Variants in UNC5A observed in about 807,000 individuals in gnomAD.
UNC5A encodes the protein unc-5 netrin receptor A.
UNC5A carries 20 observed loss-of-function variants against 87.4 expected under a neutral mutation model. The observed-to-expected ratio is 0.23, with a 90% CI of 0.16 to 0.33. The LOEUF is 0.33. UNC5A is among the 10% of genes least tolerant of loss of function. The pLI is 1.00. For missense variants in UNC5A, 844 were observed against 1,133.4 expected (o/e 0.74, Z 3.67); for synonymous variants, 438 against 482.3 (o/e 0.91, Z 1.20).
Position 176,877,608 on chromosome 5 carries a change from C to A in UNC5A, c.1540C>A (p.Arg514=), listed in dbSNP as rs749730825. Residue 514 remains arginine (R), a synonymous_variant, in exon 10 of 15, where the codon CGG becomes AGG. Coordinates refer to ENST00000329542, the MANE Select transcript of UNC5A (RefSeq NM_133369.3). ...SCGPPGVLLT[R]PVILAMDHCG... The stretch of plus-strand genomic sequence containing the variant: ...TGGACCCCCTGGCGTCCTGCTCACC[C>A]GGCCAGTCATCCTGGCTATGGACCA... 1.9e-6 allele frequency: 3 copies of A among 1,612,540 alleles called. No individual in the cohort carries two copies. In the South Asian group the frequency reaches 3.3e-5, roughly 18 times the overall value.
chr5:176,859,881 G>A (rs73804251), intron 1 of UNC5A, among the ~76,000 whole-genome samples: 62 of 152,368 alleles, frequency 4.1e-4, no homozygotes, highest in South Asian at 3.3e-3. Flanking sequence ...TGGGTCCACC[G>A]GATAAATGCC....
Position 176,875,892 on chromosome 5 carries a change from C to T in UNC5A, c.1379-1300C>T, listed in dbSNP as rs986040183. On this transcript the variant is annotated intron_variant, in intron 8 of 14. Coordinates refer to ENST00000329542, the MANE Select transcript of UNC5A (RefSeq NM_133369.3). The surrounding 1 kb of genome is among the most constrained non-coding windows in gnomAD (Gnocchi z 5.2). ...CTGACAGCTCTTGCCGTCTGTGCCT[C>T]ACGTCCACACGGATGATAACGAACC... 6.6e-6 allele frequency among the ~76,000 whole-genome samples: 1 copy of T among 152,234 alleles called. No individual in the cohort carries two copies. Among genetic ancestry groups the T allele is most frequent in the Non-Finnish European group, 1.5e-5 (1 of 68,052 alleles).
intron 1 of UNC5A, among the ~76,000 whole-genome samples, chr5:176,853,189 C>T (rs1322505743): frequency 2.0e-5 from 3 of 152,228 alleles, no homozygotes; most frequent in East Asian, 1.9e-4. Context: ...AGCCCTGCCC[C>T]ACTCCTGGCC....
chr5:176,878,747 C>T (rs1047229792), intron 13 of UNC5A, 108 bp downstream of exon 13: 26 of 1,421,922 alleles, frequency 1.8e-5, no homozygotes, highest in African/African-American at 4.3e-5. Context: ...CTCTCCCTCC[C>T]GCCTGTCCCC....
rs370493839 is a variant in UNC5A at position 176,860,820 on chromosome 5, C to T, written c.71-1804C>T. Among the ~76,000 whole-genome samples, 7 of 152,278 alleles carry T rather than the reference C, an allele frequency of 4.6e-5. No individual in the cohort carries two copies. The East Asian group carries it at 7.7e-4, about 17-fold the overall frequency. On this transcript the variant is annotated intron_variant, in intron 1 of 14. Coordinates refer to ENST00000329542, the MANE Select transcript of UNC5A (RefSeq NM_133369.3). ...GGGCTTGGTGTCCATAACAGAGCTG[C>T]GGAACATGCGGGGGGCAGTTGCCAG...
At chr5:176,863,697 AAAC>A (rs1280165682) in intron 2 of UNC5A, among the ~76,000 whole-genome samples, 1 of 147,044 alleles carries the variant, frequency 6.8e-6, no homozygotes, top group African/African-American at 2.5e-5. Context: ...AGGCAGGAGC[AAAC>A]AACAGCTTCT....
At chr5:176,813,500 C>A (rs924849398) in intron 1 of UNC5A, among the ~76,000 whole-genome samples, 1 of 152,196 alleles carries the variant, frequency 6.6e-6, no homozygotes. Context: ...GCTCGCCCTG[C>A]CTTGCAGGTG....
Position 176,879,938 on chromosome 5 carries a change from G to C in UNC5A, c.*52G>C, listed in dbSNP as rs1210079130. On this transcript the variant is annotated 3_prime_UTR_variant, in exon 15 of 15. Coordinates refer to ENST00000329542, the MANE Select transcript of UNC5A (RefSeq NM_133369.3). ...CTCACCAGCTTTGGCACCCACCAAG[G>C]ACAGGCAGAAGCCGGACAGGGGCCC... is the stretch of plus-strand genomic sequence containing the variant. 1.1e-5 allele frequency: 18 copies of C among 1,570,736 alleles called. No homozygotes were observed. The highest frequency in any genetic ancestry group is 1.6e-5 in the Non-Finnish European group (18 of 1,159,402).
At chr5:176,859,574 G>A (rs201527973) in intron 1 of UNC5A, among the ~76,000 whole-genome samples, 331 of 27,574 alleles carry the variant, frequency 0.012, 4 homozygotes, top group Non-Finnish European at 0.025. Context: ...TAGAGGGCAT[G>A]GCTGCTAGAA....
rs77468000 is a variant in UNC5A at position 176,820,851 on chromosome 5, C to G, written c.70+10031C>G. Among the ~76,000 whole-genome samples the G allele has an allele frequency of 3.3e-4, 50 of 152,318 alleles. No homozygotes were observed. In the East Asian group the frequency reaches 9.4e-3, roughly 29 times the overall value. ...ATCCCAGCAGCAGGGCCCAGGTGAG[C>G]TAGGTAAGTATTTCTCTTGACCTGG... On this transcript the variant is annotated intron_variant, in intron 1 of 14. Coordinates refer to ENST00000329542, the MANE Select transcript of UNC5A (RefSeq NM_133369.3).
chr5:176,853,717 A>G (rs996466122), intron 1 of UNC5A, among the ~76,000 whole-genome samples: 1 of 152,196 alleles, frequency 6.6e-6, no homozygotes, highest in Non-Finnish European at 1.5e-5. Flanking sequence ...CCTAGACAGG[A>G]GACACTGCCC....
chr5:176,856,659 C>A (rs1488665185), intron 1 of UNC5A, among the ~76,000 whole-genome samples: 2 of 151,990 alleles, frequency 1.3e-5, no homozygotes, highest in African/African-American at 4.8e-5. Context: ...CAGGAGGAGG[C>A]GACAACTTTG....
intron 1 of UNC5A, among the ~76,000 whole-genome samples, chr5:176,814,275 GC>G: frequency 6.6e-6 from 1 of 152,140 alleles, no homozygotes; most frequent in East Asian, 1.9e-4. Flanking sequence ...GCCCCCTTGG[GC>G]CCTTAGGAAA....
intron 1 of UNC5A, among the ~76,000 whole-genome samples, chr5:176,835,739 G>T (rs1043082575): frequency 6.7e-6 from 1 of 148,914 alleles, no homozygotes; most frequent in African/African-American, 2.6e-5. Context: ...ATGTGTGTGT[G>T]TGTGTGTGTG....
In UNC5A at chr5:176,880,045, C is replaced by T; in HGVS notation, c.*159C>T. 1 of 994,208 alleles carries T rather than the reference C, an allele frequency of 1.0e-6. No homozygotes were observed. The highest frequency in any genetic ancestry group is 1.7e-5 in the South Asian group (1 of 57,548). 61.6% of individuals were successfully genotyped at this position (994,208 alleles called of 1,614,324 possible). A position where few individuals can be genotyped will look rare whatever the true frequency, so the allele number is the denominator to read the frequency against. On this transcript the variant is annotated 3_prime_UTR_variant, in exon 15 of 15. Coordinates refer to ENST00000329542, the MANE Select transcript of UNC5A (RefSeq NM_133369.3). Reference sequence around the variant, plus strand: ...TTAATGCTGGTCCTTCAGACCCTGCCCGAACTCCCACCTCTCCATGGCCTG... The same window carrying T: ...TTAATGCTGGTCCTTCAGACCCTGCTCGAACTCCCACCTCTCCATGGCCTG...
chr5:176,854,728 C>T (rs1163280825), intron 1 of UNC5A, among the ~76,000 whole-genome samples: 2 of 152,262 alleles, frequency 1.3e-5, no homozygotes, highest in Non-Finnish European at 1.5e-5. Flanking sequence ...TGATGTTCCA[C>T]ATTCATTCCA....
At chr5:176,820,252 C>T (rs1178689064) in intron 1 of UNC5A, among the ~76,000 whole-genome samples, 3 of 152,142 alleles carry the variant, frequency 2.0e-5, no homozygotes, top group Non-Finnish European at 4.4e-5. Flanking sequence ...AAAAAATTAG[C>T]CAGGCGTGGT....
intron 1 of UNC5A, among the ~76,000 whole-genome samples, chr5:176,850,533 G>T (rs530952381): frequency 1.1e-4 from 17 of 152,228 alleles, no homozygotes; most frequent in African/African-American, 4.1e-4. Context: ...AGGAGAGTCG[G>T]GATGGCGCAG....
In UNC5A at chr5:176,878,144, A is replaced by AG; in HGVS notation, c.1869+17_1869+18insG. ...GCACTCAAGGTATCTCCCGCCCCTCACCCCCCGCCGCTGGGAGGCCGAGCT... is the reference window on the plus strand; with the variant it reads ...GCACTCAAGGTATCTCCCGCCCCTCAGCCCCCCGCCGCTGGGAGGCCGAGCT... On this transcript the variant is annotated intron_variant, in intron 11 of 14. Transcript: ENST00000329542. The AG allele has an allele frequency of 6.4e-7, 1 of 1,572,538 alleles. No individual in the cohort carries two copies. Among genetic ancestry groups the AG allele is most frequent in the South Asian group, 1.1e-5 (1 of 87,964 alleles).
Sources: gnomAD v4.1 joint callset for allele counts (sites outside exome capture counted in the v4.1 genomes callset) on GRCh38, gnomAD v4.1.1 for gene constraint, Gnocchi (gnomAD v3.1) non-coding constraint, MANE v1.5 for transcripts, NCBI Gene and HGNC (gene_info 2026-07-23, HGNC 2026-07-21) for gene names.